STAU2: variants seen among roughly 807,000 people sequenced by gnomAD.
STAU2 encodes staufen double-stranded RNA binding protein 2, also known as double-stranded RNA-binding protein Staufen homolog 2.
STAU2 carries 20 observed loss-of-function variants against 65.9 expected under a neutral mutation model. That is an observed-to-expected ratio of 0.30 (90% CI 0.21 to 0.44). The LOEUF (loss-of-function observed/expected upper bound fraction) is 0.44, where lower values mean the gene tolerates loss of function less well. Among genes scored for constraint, STAU2 ranks in the 20% least tolerant of loss-of-function variants. The pLI is 1.00. For synonymous variants in STAU2, 232 were observed against 233.9 expected (o/e 0.99, Z 0.07); for missense variants, 558 against 683.9 (o/e 0.82, Z 2.05).
At chr8:73,561,131 C>A (rs1219161231) in intron 12 of STAU2, among the ~76,000 whole-genome samples, 1 of 152,022 alleles carries the variant, frequency 6.6e-6, no homozygotes, top group East Asian at 1.9e-4. Flanking sequence ...AATAGTGATC[C>A]AAGGGCCCCT....
At chr8:73,438,094 G>A (rs887198481) in intron 13 of STAU2, among the ~76,000 whole-genome samples, 4 of 152,122 alleles carry the variant, frequency 2.6e-5, no homozygotes. Context: ...GGCCTCCACT[G>A]ACCACTCTGT....
chr8:73,456,894 A>T (rs1819101232), intron 13 of STAU2, among the ~76,000 whole-genome samples: 2 of 152,326 alleles, frequency 1.3e-5, no homozygotes, highest in South Asian at 4.1e-4. Context: ...AATCACACGC[A>T]GTGTACCGAG....
chr8:73,694,581 C>T (rs1819575663), intron 4 of STAU2, among the ~76,000 whole-genome samples: 1 of 152,104 alleles, frequency 6.6e-6, no homozygotes, highest in African/African-American at 2.4e-5. Flanking sequence ...ATTCATCACC[C>T]CCAGTGGAAC....
At chr8:73,424,053 C>A (rs1816600779) in intron 13 of STAU2, among the ~76,000 whole-genome samples, 1 of 151,648 alleles carries the variant, frequency 6.6e-6, no homozygotes, top group South Asian at 2.1e-4. Flanking sequence ...ACCTATTCAC[C>A]TCCCCCCACC....
chr8:73,424,900 G>A lies in STAU2; in HGVS notation c.1531-2198C>T, dbSNP rs1254370608. 4.6e-5 allele frequency among the ~76,000 whole-genome samples: 7 copies of A among 151,796 alleles called. 1 individual carries two copies. Among genetic ancestry groups the A allele is most frequent in the East Asian group, 2.0e-4 (1 of 5,128 alleles). On this transcript the variant is annotated intron_variant, in intron 13 of 14. Coordinates refer to ENST00000524300, the MANE Select transcript of STAU2 (RefSeq NM_001164380.2). ...TCTGCAGCCCTGGCCCGGGCATCCC[G>A]AAGCAGGGAGGATGTGGTGCTCAAG...
chr8:73,666,992 A>G (rs1425731669), intron 6 of STAU2, among the ~76,000 whole-genome samples: 3 of 152,196 alleles, frequency 2.0e-5, no homozygotes, highest in Admixed American at 2.0e-4. Flanking sequence ...CTTCGTAGGC[A>G]ATTTAAATGC....
At chr8:73,692,317 C>A (rs182579414) in intron 4 of STAU2, among the ~76,000 whole-genome samples, 129 of 152,206 alleles carry the variant, frequency 8.5e-4, no homozygotes, top group African/African-American at 3.0e-3. Context: ...CCTACCTCAG[C>A]CCCCCAAGTA....
chr8:73,607,105 T>C (rs1431984203), intron 9 of STAU2, among the ~76,000 whole-genome samples: 6 of 152,166 alleles, frequency 3.9e-5, no homozygotes, highest in Non-Finnish European at 8.8e-5. Context: ...TACGAAAACA[T>C]ATCAAACAGT....
chr8:73,544,873 G>A (rs1387863613), intron 13 of STAU2, among the ~76,000 whole-genome samples: 3 of 152,266 alleles, frequency 2.0e-5, no homozygotes, highest in South Asian at 2.1e-4. Flanking sequence ...ATTTGTGGCC[G>A]TGGGTTATCT....
At chr8:73,706,110 T>A (rs1820482424) in intron 4 of STAU2, among the ~76,000 whole-genome samples, 1 of 151,546 alleles carries the variant, frequency 6.6e-6, no homozygotes, top group African/African-American at 2.4e-5. Flanking sequence ...ATAATTAATG[T>A]ACCAAGAAAA....
intron 4 of STAU2, chr8:73,697,318 A>G (rs1355822964): frequency 6.6e-6 from 1 of 152,254 alleles, no homozygotes; most frequent in African/African-American, 2.4e-5. Flanking sequence ...CTAGAATAGT[A>G]TATCTGGTGA....
At chr8:73,580,748 G>T (rs561089876) in intron 12 of STAU2, among the ~76,000 whole-genome samples, 1 of 152,292 alleles carries the variant, frequency 6.6e-6, no homozygotes, top group Non-Finnish European at 1.5e-5. Context: ...ACTAACCCTT[G>T]GGGAATGAAA....
At chr8:73,627,958 AATT>A (rs1296298550) in intron 6 of STAU2, among the ~76,000 whole-genome samples, 3 of 152,130 alleles carry the variant, frequency 2.0e-5, no homozygotes, top group African/African-American at 7.2e-5. Context: ...ACCAGTTGAA[AATT>A]ATTATACTTT....
At chr8:73,558,109 T>C (rs1276752811) in intron 12 of STAU2, among the ~76,000 whole-genome samples, 4 of 152,244 alleles carry the variant, frequency 2.6e-5, no homozygotes. Context: ...CTCTAGAGTT[T>C]GAATACTTAA....
chr8:73,479,407 T>C (rs1375656364), intron 13 of STAU2, among the ~76,000 whole-genome samples: 1 of 151,156 alleles, frequency 6.6e-6, no homozygotes, highest in Non-Finnish European at 1.5e-5. Context: ...CTTCACGGCA[T>C]GAGACTGGGA....
chr8:73,542,598 G>A (rs562678066), intron 13 of STAU2, among the ~76,000 whole-genome samples: 1 of 152,222 alleles, frequency 6.6e-6, no homozygotes, highest in Non-Finnish European at 1.5e-5. Context: ...CTTATGGCCA[G>A]GATACAAAGA....
At chr8:73,718,147 A>G (rs532110280) in intron 3 of STAU2, among the ~76,000 whole-genome samples, 3 of 152,308 alleles carry the variant, frequency 2.0e-5, no homozygotes, top group East Asian at 1.9e-4. Flanking sequence ...TGAACTGATC[A>G]TATGTCATGT....
intron 3 of STAU2, among the ~76,000 whole-genome samples, chr8:73,717,622 T>TTGTTGTTG (rs1821340215): frequency 2.7e-5 from 4 of 150,056 alleles, no homozygotes; most frequent in African/African-American, 9.8e-5. Context: ...CTATTTGTCT[T>TTGTTGTTG]TTGTTGTTGT....
intron 2 of STAU2, among the ~76,000 whole-genome samples, chr8:73,738,619 G>A (rs970709870): frequency 6.6e-6 from 1 of 152,160 alleles, no homozygotes; most frequent in African/African-American, 2.4e-5. Context: ...GAATAACTAC[G>A]TCACTAGTAG....
Sources: gnomAD v4.1 joint callset for allele counts (sites outside exome capture counted in the v4.1 genomes callset) on GRCh38, gnomAD v4.1.1 for gene constraint, MANE v1.5 for transcripts, NCBI Gene and HGNC (gene_info 2026-07-23, HGNC 2026-07-21) for gene names.